Variants in EXT1 observed in about 807,000 individuals in gnomAD.
The protein encoded by EXT1 is exostosin-1.
In EXT1, 20 loss-of-function variants were observed where a neutral mutation model predicts 82.5. The observed-to-expected ratio is 0.24, with a 90% confidence interval of 0.17 to 0.35. The LOEUF is 0.35. Among genes scored for constraint, EXT1 ranks in the 10% least tolerant of loss-of-function variants. The pLI is 1.00. For missense variants in EXT1, 757 were observed against 936.5 expected (o/e 0.81, Z 2.50); for synonymous variants, 348 against 350.8 (o/e 0.99, Z 0.09).
intron 1 of EXT1, among the ~76,000 whole-genome samples, chr8:117,958,672 C>T (rs576696942): frequency 6.6e-4 from 101 of 152,210 alleles, no homozygotes; most frequent in African/African-American, 2.3e-3. Context: ...ATCAGAGAAA[C>T]ACAATAATCA....
At chr8:117,846,510 G>A (rs1209806630) in intron 1 of EXT1, among the ~76,000 whole-genome samples, 1 of 152,110 alleles carries the variant, frequency 6.6e-6, no homozygotes, top group African/African-American at 2.4e-5. Flanking sequence ...AAAACAAAAC[G>A]TTTTTGAAAA....
intron 1 of EXT1, among the ~76,000 whole-genome samples, chr8:118,030,174 C>T (rs1468929232): frequency 6.6e-6 from 1 of 151,164 alleles, no homozygotes; most frequent in Non-Finnish European, 1.5e-5. Flanking sequence ...AAAATAACCA[C>T]AGAGTGGTTG....
chr8:118,072,819 G>A (rs1208004112), intron 1 of EXT1, among the ~76,000 whole-genome samples: 4 of 152,200 alleles, frequency 2.6e-5, no homozygotes, highest in African/African-American at 9.7e-5. Context: ...TTCAAGGCAT[G>A]ATAAAGAAAT....
At chr8:117,962,691 TAC>T (rs997928736) in intron 1 of EXT1, among the ~76,000 whole-genome samples, 4 of 151,942 alleles carry the variant, frequency 2.6e-5, no homozygotes, top group African/African-American at 9.7e-5. Context: ...AGACAGAGGT[TAC>T]AGTGAGCCCA....
At chr8:118,031,406 T>A (rs1210524603) in intron 1 of EXT1, among the ~76,000 whole-genome samples, 2 of 151,766 alleles carry the variant, frequency 1.3e-5, no homozygotes, top group African/African-American at 4.8e-5. Context: ...GCACCTGTAA[T>A]CCCAGCCACT....
chr8:118,090,064 T>G (rs1029911298), intron 1 of EXT1, among the ~76,000 whole-genome samples: 4 of 152,128 alleles, frequency 2.6e-5, no homozygotes, highest in Non-Finnish European at 4.4e-5. Context: ...TCCATCCTTT[T>G]CAGTGGTGGT....
intron 1 of EXT1, among the ~76,000 whole-genome samples, chr8:118,096,875 T>C (rs896590264): frequency 6.6e-6 from 1 of 152,126 alleles, no homozygotes; most frequent in Non-Finnish European, 1.5e-5. Context: ...ACAGTAACAT[T>C]TAGAGACTCC....
chr8:117,913,905 G>A (rs1218520461), intron 1 of EXT1, among the ~76,000 whole-genome samples: 1 of 152,128 alleles, frequency 6.6e-6, no homozygotes, highest in Non-Finnish European at 1.5e-5. Context: ...TAGGCAATTT[G>A]CCCACCTCAG....
In EXT1 at chr8:117,855,498, T is replaced by A. The variant is rs577851204; in HGVS notation, c.963-18297A>T. Among the ~76,000 whole-genome samples the A allele has an allele frequency of 4.6e-5, 7 of 152,298 alleles. No individual in the cohort carries two copies. The South Asian group carries it at 1.2e-3, about 27-fold the overall frequency. ...ACAAAACTCACCCATATTAAGATGG[T>A]GAACTTGAAAAATGTGTGTGTTCTG... On this transcript the variant is annotated intron_variant, in intron 1 of 10. Coordinates refer to ENST00000378204, the MANE Select transcript of EXT1 (RefSeq NM_000127.3).
intron 1 of EXT1, among the ~76,000 whole-genome samples, chr8:117,891,140 G>T (rs1006830570): frequency 6.6e-6 from 1 of 152,188 alleles, no homozygotes; most frequent in African/African-American, 2.4e-5. Context: ...TCTTTCCTGA[G>T]CTTTGTACAC....
intron 1 of EXT1, among the ~76,000 whole-genome samples, chr8:117,961,789 C>T (rs1354506615): frequency 6.6e-6 from 1 of 152,174 alleles, no homozygotes; most frequent in African/African-American, 2.4e-5. Flanking sequence ...ACAGAACAAA[C>T]TCTTAATGGC....
At chr8:117,960,779 T>C (rs1586310670) in intron 1 of EXT1, among the ~76,000 whole-genome samples, 1 of 152,138 alleles carries the variant, frequency 6.6e-6, no homozygotes, top group South Asian at 2.1e-4. Flanking sequence ...AGCAGCAAAA[T>C]TAGACATTTA....
At chr8:117,864,680 C>T (rs1197444281) in intron 1 of EXT1, among the ~76,000 whole-genome samples, 3 of 146,520 alleles carry the variant, frequency 2.0e-5, no homozygotes, top group Non-Finnish European at 4.5e-5. Context: ...ACCCAGGAGG[C>T]GGAGCTTGCG....
chr8:117,905,669 G>A (rs541974213), intron 1 of EXT1, among the ~76,000 whole-genome samples: 3 of 152,096 alleles, frequency 2.0e-5, no homozygotes, highest in East Asian at 3.9e-4. Flanking sequence ...AAAATTAGCC[G>A]GGCGTGGTGG....
At chr8:117,958,789 T>A (rs1034985492) in intron 1 of EXT1, among the ~76,000 whole-genome samples, 2 of 152,234 alleles carry the variant, frequency 1.3e-5, no homozygotes, top group Non-Finnish European at 2.9e-5. Flanking sequence ...AGCAAAAGTA[T>A]GTAATTTACT....
At chr8:117,902,952 C>T (rs989188534) in intron 1 of EXT1, among the ~76,000 whole-genome samples, 7 of 152,202 alleles carry the variant, frequency 4.6e-5, no homozygotes, top group Admixed American at 4.6e-4. Flanking sequence ...TCTAACCTTA[C>T]AAAGAAAAGT....
At chr8:118,015,911 C>T (rs1299020199) in intron 1 of EXT1, among the ~76,000 whole-genome samples, 4 of 152,140 alleles carry the variant, frequency 2.6e-5, no homozygotes, top group Non-Finnish European at 5.9e-5. Context: ...GGGAAGATGG[C>T]CAAGTGAAGG....
chr8:118,008,077 C>T (rs1017217807), intron 1 of EXT1, among the ~76,000 whole-genome samples: 4 of 152,074 alleles, frequency 2.6e-5, no homozygotes, highest in African/African-American at 7.2e-5. Flanking sequence ...CACCTCCCAA[C>T]CCCCGACAGG....
chr8:117,935,614 C>G (rs927660884), intron 1 of EXT1, among the ~76,000 whole-genome samples: 5 of 152,154 alleles, frequency 3.3e-5, no homozygotes, highest in Non-Finnish European at 7.3e-5. Flanking sequence ...TATTGCCTCA[C>G]TGCCTCAACC....
Sources: allele counts gnomAD v4.1 joint callset (sites outside exome capture counted in the v4.1 genomes callset), GRCh38; gene constraint gnomAD v4.1.1; transcripts MANE v1.5; gene names NCBI Gene and HGNC (gene_info 2026-07-23, HGNC 2026-07-21).